Variants in GATB observed in about 807,000 individuals in gnomAD.
GATB encodes the protein glutamyl-tRNA(Gln) amidotransferase subunit B, mitochondrial.
A neutral mutation model predicts 62.3 loss-of-function variants in GATB; 39 were observed. That is an observed-to-expected ratio of 0.63 (90% confidence interval 0.48 to 0.82). The LOEUF (loss-of-function observed/expected upper bound fraction) is 0.82. Among genes scored for constraint, GATB ranks in the 40% least tolerant of loss-of-function variants. The pLI, the probability that GATB is intolerant of heterozygous loss-of-function variation, is 0.00. For missense variants in GATB, 670 were observed against 684.0 expected, an observed-to-expected ratio of 0.98 and a Z score of 0.23; for synonymous variants, 276 against 258.9, an observed-to-expected ratio of 1.07 and a Z score of -0.63.
intron 5 of GATB, among the ~76,000 whole-genome samples, chr4:151,712,984 C>G (rs1267089735): frequency 6.6e-6 from 1 of 152,208 alleles, no homozygotes; most frequent in Non-Finnish European, 1.5e-5. Flanking sequence ...GTATTTACAG[C>G]TGCTCCTTAT....
chr4:151,677,221 G>T (rs1738026259), intron 11 of GATB: 1 of 151,412 alleles, frequency 6.6e-6, no homozygotes, highest in African/African-American at 2.4e-5. Flanking sequence ...TATTAAATTT[G>T]GAAAAAAATA....
At chr4:151,731,305 C>T (rs912653916) in intron 2 of GATB, among the ~76,000 whole-genome samples, 14 of 152,306 alleles carry the variant, frequency 9.2e-5, no homozygotes, top group Non-Finnish European at 1.8e-4. Context: ...TTGGTGGAGA[C>T]GGGGTTTCGC....
chr4:151,682,951 T>A (rs1459592371), intron 10 of GATB, among the ~76,000 whole-genome samples: 1 of 151,940 alleles, frequency 6.6e-6, no homozygotes, highest in Non-Finnish European at 1.5e-5. Context: ...CACCTCCCAT[T>A]TCACAAGGAC....
At chr4:151,710,033 C>T (rs905517446) in intron 5 of GATB, among the ~76,000 whole-genome samples, 1 of 152,220 alleles carries the variant, frequency 6.6e-6, no homozygotes, top group Non-Finnish European at 1.5e-5. Flanking sequence ...CCCTCAAGGA[C>T]TCACTTGAGT....
chr4:151,737,014 C>T (rs567856409), intron 2 of GATB, among the ~76,000 whole-genome samples: 1 of 152,228 alleles, frequency 6.6e-6, no homozygotes, highest in South Asian at 2.1e-4. Context: ...TAAAAATGGA[C>T]TAATAAAGTA....
At chr4:151,697,965 A>ATATATATATATATATATGTGTATG (rs1560847742) in intron 9 of GATB, among the ~76,000 whole-genome samples, 5 of 109,018 alleles carry the variant, frequency 4.6e-5, no homozygotes, top group African/African-American at 2.5e-4. Context: ...ATATATATAT[A>ATATATATATATATATATGTGTATG]TATATATATA....
intron 12 of GATB, chr4:151,672,502 C>A (rs1392605709): frequency 2.4e-6 from 1 of 414,204 alleles, no homozygotes. Context: ...CTTGCTGACA[C>A]CCTTTTAAAC....
chr4:151,719,479 G>A lies in GATB; in HGVS notation c.387C>T (p.His129=), dbSNP rs1478374130. 2.5e-6 allele frequency: 4 copies of A among 1,612,038 alleles called. No individual in the cohort carries two copies. The highest frequency in any genetic ancestry group is 2.7e-5 in the African/African-American group (2 of 74,970). The change falls in exon 3 of 13, where the codon CAC becomes CAT. Residue 129 remains histidine (H), a synonymous_variant. Coordinates refer to ENST00000263985, the MANE Select transcript of GATB (RefSeq NM_004564.3). ...AVMTGLALNC[H]INKKSLFDRK... is the part of the protein sequence containing the mutation. ...TGTCAAACAAGGACTTCTTGTTTAT[G>A]TGGCAGTTCAGAGCCAGGCCTGTCA...
intron 10 of GATB, among the ~76,000 whole-genome samples, chr4:151,684,808 G>T (rs1228623044): frequency 1.3e-5 from 2 of 152,136 alleles, no homozygotes. Context: ...TACCCTTCAG[G>T]TTCTTAAAAC....
At chr4:151,757,332 A>G (rs1202052303) in intron 2 of GATB, among the ~76,000 whole-genome samples, 2 of 152,120 alleles carry the variant, frequency 1.3e-5, no homozygotes, top group Non-Finnish European at 2.9e-5. Flanking sequence ...CAAGACAAAG[A>G]TGCTGCCCCA....
At chr4:151,700,582 A>C (rs1055843906) in intron 9 of GATB, among the ~76,000 whole-genome samples, 10 of 152,190 alleles carry the variant, frequency 6.6e-5, no homozygotes, top group African/African-American at 2.2e-4. Flanking sequence ...TGCTGCCCCA[A>C]AAGATAGGTG....
chr4:151,751,346 T>C (rs1739717648), intron 2 of GATB, among the ~76,000 whole-genome samples: 1 of 152,218 alleles, frequency 6.6e-6, no homozygotes, highest in Non-Finnish European at 1.5e-5. Flanking sequence ...TTTTGACTAC[T>C]AGTCTGTTTC....
At chr4:151,760,646 G>C (rs1432890357) in intron 1 of GATB, among the ~76,000 whole-genome samples, 161 bp downstream of exon 1, 1 of 152,194 alleles carries the variant, frequency 6.6e-6, no homozygotes, top group Non-Finnish European at 1.5e-5. Context: ...TTGATAGAAA[G>C]TCTGTTTGTG....
chr4:151,683,422 TC>T (rs1738183756), intron 10 of GATB, among the ~76,000 whole-genome samples: 1 of 152,166 alleles, frequency 6.6e-6, no homozygotes, highest in African/African-American at 2.4e-5. Flanking sequence ...GTCCTCCTCT[TC>T]CTTGCCTGTC....
chr4:151,672,711 G>C, intron 12 of GATB, 51 bp downstream of exon 12: 1 of 1,587,134 alleles, frequency 6.3e-7, no homozygotes, highest in Non-Finnish European at 8.6e-7. Context: ...CGAGGCTCTT[G>C]GGCATGTCCT....
chr4:151,754,495 GT>G (rs148245444), intron 2 of GATB, among the ~76,000 whole-genome samples: 1,547 of 152,274 alleles, frequency 0.01, 25 homozygotes, highest in African/African-American at 0.036. Flanking sequence ...CGTCTACCAA[GT>G]TCAAAACTGT....
chr4:151,698,437 CAGAG>C (rs1738532829), intron 9 of GATB, among the ~76,000 whole-genome samples: 1 of 152,076 alleles, frequency 6.6e-6, no homozygotes, highest in Non-Finnish European at 1.5e-5. Flanking sequence ...AATCCAAAGA[CAGAG>C]AGCACAGAGT....
chr4:151,716,010 T>C lies in GATB; in HGVS notation c.762A>G (p.Ala254=). The part of the protein sequence containing the change: ...QALGTSQANM[A]EGQLRVDANI... ...GAATACTGCTTCTGTGGCTTCTACC[T>C]GCCATGTTCGCCTGGCTGGTCCCCA... Residue 254 remains alanine (A), a splice_region_variant and synonymous_variant, in exon 5 of 13, where the codon GCA becomes GCG. Transcript: ENST00000263985. 1 of 1,613,696 alleles carries C rather than the reference T, an allele frequency of 6.2e-7. No individual in the cohort carries two copies. Among genetic ancestry groups the C allele is most frequent in the Non-Finnish European group, 8.5e-7 (1 of 1,179,834 alleles).
chr4:151,682,034 G>T (rs767582152), intron 10 of GATB, among the ~76,000 whole-genome samples: 5 of 152,174 alleles, frequency 3.3e-5, no homozygotes, highest in African/African-American at 1.2e-4. Flanking sequence ...CATAAAAGAC[G>T]TAGGGGTGGA....
Sources: allele counts gnomAD v4.1 joint callset (sites outside exome capture counted in the v4.1 genomes callset), GRCh38; gene constraint gnomAD v4.1.1; transcripts MANE v1.5; gene names NCBI Gene and HGNC (gene_info 2026-07-23, HGNC 2026-07-21).